TM6SF1: variants seen among roughly 807,000 people sequenced by gnomAD.
The protein encoded by TM6SF1 is transmembrane 6 superfamily member 1.
Under a neutral mutation model 47.1 loss-of-function variants are expected in TM6SF1, and 43 were observed. That is an observed-to-expected ratio of 0.91 (90% confidence interval 0.72 to 1.18). The LOEUF (loss-of-function observed/expected upper bound fraction) is 1.18, where lower values mean the gene tolerates loss of function less well. Among genes scored for constraint, TM6SF1 ranks in the 50% most tolerant of loss-of-function variants. TM6SF1 has a pLI of 0.00. For missense variants in TM6SF1, 390 were observed against 449.0 expected (o/e 0.87, Z 1.19); for synonymous variants, 177 against 166.3 (o/e 1.06, Z -0.49).
rs772654611 is a variant in TM6SF1 at position 83,126,860 on chromosome 15, T to C, written c.801+13T>C. On this transcript the variant is annotated intron_variant, in intron 8 of 9. Transcript: ENST00000322019. Reference sequence around the variant, plus strand: ...TCCTAAAATTCAGGTCAAGTAGTTATGAAGCCTAAGATTTTTCTAAAATTA... The same window carrying C: ...TCCTAAAATTCAGGTCAAGTAGTTACGAAGCCTAAGATTTTTCTAAAATTA... 5.7e-6 allele frequency: 9 copies of C among 1,591,528 alleles called. No homozygotes were observed. Among genetic ancestry groups the C allele is most frequent in the South Asian group, 2.3e-5 (2 of 88,750 alleles).
chr15:83,122,503 A>G (rs1211925011), intron 5 of TM6SF1, among the ~76,000 whole-genome samples: 2 of 152,194 alleles, frequency 1.3e-5, no homozygotes, highest in Non-Finnish European at 2.9e-5. Flanking sequence ...TCTGTTGCCC[A>G]GGCTGGCTTG....
At chr15:83,133,463 T>C (rs1237644514) in intron 9 of TM6SF1, 2 of 152,196 alleles carry the variant, frequency 1.3e-5, no homozygotes, top group Admixed American at 6.5e-5. Context: ...CATTTGCCAT[T>C]CCAATCATCC....
chr15:83,111,570 T>C (rs2034184552), intron 1 of TM6SF1: 1 of 972,294 alleles, frequency 1.0e-6, no homozygotes, highest in Non-Finnish European at 1.2e-6. Context: ...TCTTTCTCTC[T>C]CCTAGGGGAC....
chr15:83,111,742 G>A, intron 1 of TM6SF1: 3 of 936,348 alleles, frequency 3.2e-6, no homozygotes, highest in Non-Finnish European at 3.8e-6. Context: ...AGCCCTGTCA[G>A]TGCTGGAGGT....
At chr15:83,124,538 A>G in intron 6 of TM6SF1, 134 bp from the exon 7 acceptor site, 2 of 653,820 alleles carry the variant, frequency 3.1e-6, no homozygotes, top group Non-Finnish European at 5.3e-6. Context: ...CTAAAGTTCC[A>G]TGGCCAGTGA....
intron 9 of TM6SF1, 161 bp from the exon 10 acceptor site, chr15:83,136,320 C>G: frequency 2.1e-6 from 1 of 476,382 alleles, no homozygotes; most frequent in Non-Finnish European, 3.7e-6. Flanking sequence ...ATGAAAGACT[C>G]TGACATTAAA....
At chr15:83,117,056 T>G (rs2034730827) in intron 3 of TM6SF1, among the ~76,000 whole-genome samples, 1 of 152,152 alleles carries the variant, frequency 6.6e-6, no homozygotes, top group South Asian at 2.1e-4. Flanking sequence ...ACAGAAGTAC[T>G]CAGAGGAGGA....
chr15:83,122,075 C>A (rs2151362905), intron 5 of TM6SF1, 72 bp downstream of exon 5: 2 of 1,212,558 alleles, frequency 1.6e-6, no homozygotes, highest in East Asian at 4.7e-5. Context: ...TAGAGAAGCT[C>A]TTTTAGTTAT....
In TM6SF1 at chr15:83,136,797, A is replaced by T; in HGVS notation, c.*125A>T. The T allele has an allele frequency of 1.3e-6, 1 of 783,172 alleles. No individual in the cohort carries two copies. The highest frequency in any genetic ancestry group is 2.0e-6 in the Non-Finnish European group (1 of 504,394). The allele number at this position is 783,172 out of a possible 1,614,324, so 48.5% of individuals were successfully genotyped here. A position where few individuals can be genotyped will look rare whatever the true frequency, so the allele number is the denominator to read the frequency against. ...AAGAATATGTACATTCTTGCTCTGC[A>T]CTGTATGTGTGAGCTATATGGTATT... On this transcript the variant is annotated 3_prime_UTR_variant, in exon 10 of 10. Coordinates refer to ENST00000322019, the MANE Select transcript of TM6SF1 (RefSeq NM_023003.5).
intron 6 of TM6SF1, 76 bp from the exon 7 acceptor site, chr15:83,124,596 T>C: frequency 1.8e-6 from 2 of 1,112,146 alleles, no homozygotes. Flanking sequence ...TCCATCATCA[T>C]GACATTTAAT....
chr15:83,107,989 G>A lies in TM6SF1; in HGVS notation c.92+217G>A. ...GCCGGGCCCTGAGGTGCCCAGGCTG[G>A]CGCATTTCGGGATGTTGGTGCCAGC... On this transcript the variant is annotated intron_variant, in intron 1 of 9. Transcript: ENST00000322019. This position sits in a 1 kb window ranked among gnomAD's most constrained non-coding sequence, Gnocchi z 5.6. 2.0e-6 allele frequency: 2 copies of A among 988,856 alleles called. No individual in the cohort carries two copies. The highest frequency in any genetic ancestry group is 2.7e-6 in the Non-Finnish European group (2 of 752,724). 61.3% of individuals were successfully genotyped at this position (988,856 alleles called of 1,614,324 possible). A position where few individuals can be genotyped will look rare whatever the true frequency, so the allele number is the denominator to read the frequency against.
At chr15:83,110,449 G>T (rs1037283347) in intron 1 of TM6SF1, among the ~76,000 whole-genome samples, 3 of 152,166 alleles carry the variant, frequency 2.0e-5, no homozygotes, top group Admixed American at 2.0e-4. Context: ...ACAATCTGCT[G>T]CCCTAGTTTC....
intron 4 of TM6SF1, among the ~76,000 whole-genome samples, chr15:83,120,238 T>C (rs150898294): frequency 2.9e-4 from 44 of 152,330 alleles, no homozygotes; most frequent in Admixed American, 1.6e-3. Context: ...CATCATGATA[T>C]GCTAGCTTGG....
intron 3 of TM6SF1, 139 bp downstream of exon 3, chr15:83,116,081 C>A (rs905789688): frequency 1.5e-6 from 1 of 661,362 alleles, no homozygotes. Flanking sequence ...AGCCTTAGGT[C>A]GCTTAGTCAC....
Position 83,122,815 on chromosome 15 carries a change from T to G in TM6SF1, c.540T>G (p.Leu180=), listed in dbSNP as rs757807980. ...TCTTAAGCATACCATATACTTGTCTTCCTGTCTGGGCTGGTTTCAGAATCT... is the reference window on the plus strand; with the variant it reads ...TCTTAAGCATACCATATACTTGTCTGCCTGTCTGGGCTGGTTTCAGAATCT... The part of the protein sequence containing the change: ...AFFLSIPYTC[L]PVWAGFRIYN... The change falls in exon 6 of 10, where the codon CTT becomes CTG. Residue 180 remains leucine (L), a synonymous_variant. Coordinates refer to ENST00000322019, the MANE Select transcript of TM6SF1 (RefSeq NM_023003.5). The G allele has an allele frequency of 6.2e-7, 1 of 1,614,108 alleles. No homozygotes were observed. Among genetic ancestry groups the G allele is most frequent in the Non-Finnish European group, 8.5e-7 (1 of 1,179,984 alleles).
chr15:83,112,902 T>G lies in TM6SF1; in HGVS notation c.196+2T>G. 6.2e-7 allele frequency: 1 copy of G among 1,607,622 alleles called. No individual in the cohort carries two copies. The highest frequency in any genetic ancestry group is 1.1e-5 in the South Asian group (1 of 90,962). On this transcript the variant is annotated splice_donor_variant, in intron 2 of 9. Transcript: ENST00000322019. LOFTEE classifies it high-confidence loss of function. ...CACCCCGGGACCCACTGTTCTATGG[T>G]ACGTCTCCACAAAGGGAAATCTTTT...
chr15:83,133,908 G>C (rs1434082303), intron 9 of TM6SF1: 1 of 152,250 alleles, frequency 6.6e-6, no homozygotes, highest in Non-Finnish European at 1.5e-5. Context: ...GCCACCATAA[G>C]TACATCCATT....
At chr15:83,128,150 A>G (rs140269385) in intron 9 of TM6SF1, 3 of 152,440 alleles carry the variant, frequency 2.0e-5, no homozygotes, top group Admixed American at 6.5e-5. Flanking sequence ...CTTATCATTT[A>G]AAAACATTAG....
chr15:83,125,791 G>A (rs942692721), intron 7 of TM6SF1, among the ~76,000 whole-genome samples: 2 of 152,340 alleles, frequency 1.3e-5, no homozygotes, highest in Non-Finnish European at 1.5e-5. Context: ...GGGCTACTGG[G>A]GGCCTGTGCA....
Sources: gnomAD v4.1 joint callset for allele counts (sites outside exome capture counted in the v4.1 genomes callset) on GRCh38, gnomAD v4.1.1 for gene constraint, Gnocchi (gnomAD v3.1) non-coding constraint, MANE v1.5 for transcripts, NCBI Gene and HGNC (gene_info 2026-07-23, HGNC 2026-07-21) for gene names.